The following PDZRN3 variants were observed in gnomAD, a reference collection of about 807,000 sequenced individuals.
PDZRN3 encodes PDZ domain containing ring finger 3.
A neutral mutation model predicts 85.7 loss-of-function variants in PDZRN3; 38 were observed. That is an observed-to-expected ratio of 0.44 (90% confidence interval 0.34 to 0.58). The LOEUF (loss-of-function observed/expected upper bound fraction) is 0.58, where lower values mean the gene tolerates loss of function less well. PDZRN3 is among the 20% of genes least tolerant of loss of function. The probability of loss-of-function intolerance (pLI) is 0.01; values close to 1 mark genes in which losing one functional copy is unlikely to be tolerated. For missense variants in PDZRN3, 1,629 were observed against 1,506.4 expected, an observed-to-expected ratio of 1.08 and a Z score of -1.35; for synonymous variants, 759 against 638.0, an observed-to-expected ratio of 1.19 and a Z score of -2.86.
chr3:73,407,883 C>A (rs1298639343), intron 3 of PDZRN3, among the ~76,000 whole-genome samples: 1 of 152,164 alleles, frequency 6.6e-6, no homozygotes, highest in Non-Finnish European at 1.5e-5. Context: ...GGTACTGTTA[C>A]ACGGCATTGA....
chr3:73,456,827 G>A (rs1702987095), intron 3 of PDZRN3, among the ~76,000 whole-genome samples: 1 of 152,006 alleles, frequency 6.6e-6, no homozygotes, highest in South Asian at 2.1e-4. Flanking sequence ...TGCCCAGCGT[G>A]GTATAAAATT....
chr3:73,503,410 T>C (rs1164297338), intron 3 of PDZRN3, among the ~76,000 whole-genome samples: 1 of 152,236 alleles, frequency 6.6e-6, no homozygotes, highest in Non-Finnish European at 1.5e-5. Flanking sequence ...TACACATGAA[T>C]ATTTTTAAAC....
chr3:73,565,741 C>T lies in PDZRN3; in HGVS notation c.918+36613G>A, dbSNP rs187225837. On this transcript the variant is annotated intron_variant, in intron 3 of 9. Transcript: ENST00000263666. ...TCACCTGAGGTCAGGAGTTCGAGAC[C>T]GGCCTGGCCAACATAGTGAAACCCT... is the stretch of plus-strand genomic sequence containing the variant. 2.0e-3 allele frequency among the ~76,000 whole-genome samples: 308 copies of T among 151,180 alleles called. 2 individuals carry two copies. Among genetic ancestry groups the T allele is most frequent in the African/African-American group, 7.1e-3 (292 of 41,122 alleles).
rs139790719 is a variant in PDZRN3 at position 73,465,382 on chromosome 3, T to C, written c.919-60987A>G. ...TCTTTCTATAACAAATTGCCTTATA[T>C]AGATGGTGCCAGAGGATGTGATCTG... On this transcript the variant is annotated intron_variant, in intron 3 of 9. Coordinates refer to ENST00000263666, the MANE Select transcript of PDZRN3 (RefSeq NM_015009.3). Among the ~76,000 whole-genome samples, 490 of 152,336 alleles carry C rather than the reference T, an allele frequency of 3.2e-3. 3 individuals carry two copies. Among genetic ancestry groups the C allele is most frequent in the African/African-American group, 0.011 (477 of 41,588 alleles).
At chr3:73,419,957 C>T (rs1222139121) in intron 3 of PDZRN3, among the ~76,000 whole-genome samples, 1 of 152,152 alleles carries the variant, frequency 6.6e-6, no homozygotes, top group African/African-American at 2.4e-5. Flanking sequence ...TTAAAATATA[C>T]ATTGCAGAGT....
intron 1 of PDZRN3, among the ~76,000 whole-genome samples, chr3:73,620,379 T>C (rs1040738316): frequency 6.6e-6 from 1 of 152,136 alleles, no homozygotes; most frequent in Non-Finnish European, 1.5e-5. Context: ...AAAAAAGATG[T>C]TTGCTCTGGA....
intron 3 of PDZRN3, among the ~76,000 whole-genome samples, chr3:73,520,654 T>C (rs756294515): frequency 4.0e-5 from 6 of 151,756 alleles, no homozygotes; most frequent in Non-Finnish European, 8.8e-5. Flanking sequence ...AGGAGGACAA[T>C]GAAAGACTCC....
chr3:73,566,127 T>C (rs971817442), intron 3 of PDZRN3, among the ~76,000 whole-genome samples: 12 of 152,296 alleles, frequency 7.9e-5, no homozygotes, highest in Non-Finnish European at 1.5e-4. Context: ...CAATTTTAAA[T>C]TATATTTTAA....
At chr3:73,523,605 T>G (rs1327489017) in intron 3 of PDZRN3, among the ~76,000 whole-genome samples, 8 of 152,082 alleles carry the variant, frequency 5.3e-5, no homozygotes, top group Admixed American at 3.9e-4. Flanking sequence ...AGGAATACTA[T>G]GAAAAAATAT....
At chr3:73,569,594 C>A (rs1322138649) in intron 3 of PDZRN3, 1 of 1,016,400 alleles carries the variant, frequency 9.8e-7, no homozygotes, top group African/African-American at 1.7e-5. Context: ...AGAGGACAGA[C>A]AGCCCTGTGC....
At chr3:73,552,926 T>TCA (rs1173915556) in intron 3 of PDZRN3, among the ~76,000 whole-genome samples, 2 of 152,180 alleles carry the variant, frequency 1.3e-5, no homozygotes, top group Admixed American at 1.3e-4. Context: ...TCACTAAGGA[T>TCA]CACACAATAA....
At chr3:73,573,234 T>G (rs1351005803) in intron 3 of PDZRN3, among the ~76,000 whole-genome samples, 1 of 152,178 alleles carries the variant, frequency 6.6e-6, no homozygotes, top group Non-Finnish European at 1.5e-5. Flanking sequence ...GGGCCTTCAG[T>G]TGCCAGGGAA....
intron 1 of PDZRN3, among the ~76,000 whole-genome samples, chr3:73,619,416 T>C (rs1033612294): frequency 6.6e-6 from 1 of 152,174 alleles, no homozygotes; most frequent in African/African-American, 2.4e-5. Flanking sequence ...GGGCACCAGA[T>C]GTAGTCTGCG....
chr3:73,595,290 A>T (rs904249574), intron 3 of PDZRN3, among the ~76,000 whole-genome samples: 1 of 152,224 alleles, frequency 6.6e-6, no homozygotes, highest in Non-Finnish European at 1.5e-5. Context: ...TGGGTAACCA[A>T]GAAAACAGAG....
chr3:73,577,861 T>A (rs1435648906), intron 3 of PDZRN3, among the ~76,000 whole-genome samples: 1 of 152,220 alleles, frequency 6.6e-6, no homozygotes, highest in African/African-American at 2.4e-5. Flanking sequence ...TGGAGCCAGA[T>A]CTAGCCCAAA....
chr3:73,600,855 C>T (rs1702506470), intron 3 of PDZRN3, among the ~76,000 whole-genome samples: 1 of 152,180 alleles, frequency 6.6e-6, no homozygotes, highest in African/African-American at 2.4e-5. Context: ...TAAGAAAGCA[C>T]TCTTGCCCAA....
At chr3:73,417,268 A>C (rs1237285357) in intron 3 of PDZRN3, among the ~76,000 whole-genome samples, 1 of 152,144 alleles carries the variant, frequency 6.6e-6, no homozygotes, top group East Asian at 1.9e-4. Flanking sequence ...TCATTATGCA[A>C]ATTTTGATAA....
At chr3:73,562,777 T>G (rs889245260) in intron 3 of PDZRN3, among the ~76,000 whole-genome samples, 1 of 151,872 alleles carries the variant, frequency 6.6e-6, no homozygotes, top group East Asian at 1.9e-4. Context: ...TTCCTCTTTT[T>G]AATTTGGGGA....
intron 3 of PDZRN3, among the ~76,000 whole-genome samples, chr3:73,467,470 C>T (rs534650352): frequency 7.2e-5 from 11 of 152,322 alleles, no homozygotes; most frequent in South Asian, 2.1e-4. Flanking sequence ...TTCTACACAG[C>T]GATTCCCAGT....
Sources: gnomAD v4.1 joint callset for allele counts (sites outside exome capture counted in the v4.1 genomes callset) on GRCh38, gnomAD v4.1.1 for gene constraint, MANE v1.5 for transcripts, NCBI Gene and HGNC (gene_info 2026-07-23, HGNC 2026-07-21) for gene names.